The following CCL25 variants were observed in gnomAD, a reference collection of about 807,000 sequenced individuals.
The protein encoded by CCL25 is C-C motif chemokine ligand 25, also known as C-C motif chemokine 25.
Under a neutral mutation model 19.9 loss-of-function variants are expected in CCL25, and 14 were observed. The ratio of observed to expected loss-of-function variants is 0.70; its 90% CI spans 0.47 to 1.10. The LOEUF (loss-of-function observed/expected upper bound fraction) is 1.10. Among genes scored for constraint, CCL25 ranks in the 50% least tolerant of loss-of-function variants. CCL25 has a pLI of 0.00. For missense variants in CCL25, 151 were observed against 181.2 expected (o/e 0.83, Z 0.96); for synonymous variants, 68 against 73.2 (o/e 0.93, Z 0.36).
intron 2 of CCL25, 28 bp from the exon 3 acceptor site, chr19:8,056,124 G>T: frequency 6.9e-7 from 1 of 1,440,270 alleles, no homozygotes; most frequent in Non-Finnish European, 9.4e-7. Context: ...GCAAGGGTGC[G>T]AGTATCTGGG....
chr19:8,061,121 T>C (rs1237807183), intron 5 of CCL25, among the ~76,000 whole-genome samples: 2 of 151,636 alleles, frequency 1.3e-5, no homozygotes, highest in African/African-American at 2.4e-5. Context: ...CCTGAGTAGC[T>C]GGGATCATAG....
At chr19:8,057,963 T>G (rs747178587) in intron 5 of CCL25, 43 bp downstream of exon 5, 3 of 1,593,900 alleles carry the variant, frequency 1.9e-6, no homozygotes, top group Non-Finnish European at 2.6e-6. Context: ...TCCATCACCT[T>G]TGCTGAGGGT....
intron 2 of CCL25, among the ~76,000 whole-genome samples, chr19:8,054,831 AT>A (rs1568333246): frequency 6.6e-6 from 1 of 151,566 alleles, no homozygotes; most frequent in South Asian, 2.1e-4. Flanking sequence ...TATTAAAACA[AT>A]TTTTTGTTTG....
chr19:8,057,858 A>G lies in CCL25; in HGVS notation c.383A>G (p.Lys128Arg), dbSNP rs2081283421. Residue 128 changes from lysine to arginine, a missense_variant, in exon 5 of 6, where the codon AAG becomes AGG. Physicochemically the swap from Lys to Arg is conservative, Grantham distance 26 (BLOSUM62 2). Transcript: ENST00000315626. ...SSGNSKLSSS[K>R]FSNPISSSKR... is the part of the protein sequence containing the mutation. ...GGAAACTCCAAGTTATCATCGTCCA[A>G]GTTTAGCAATCCCATCAGCAGCAGT... The G allele has an allele frequency of 6.2e-7, 1 of 1,613,610 alleles. No individual in the cohort carries two copies. Among genetic ancestry groups the G allele is most frequent in the Non-Finnish European group, 8.5e-7 (1 of 1,179,648 alleles).
chr19:8,053,007 C>G lies in CCL25; in HGVS notation c.-43C>G. The G allele has an allele frequency of 6.9e-7, 1 of 1,451,436 alleles. No homozygotes were observed. Among genetic ancestry groups the G allele is most frequent in the Non-Finnish European group, 9.4e-7 (1 of 1,062,768 alleles). The allele number at this position is 1,451,436 out of a possible 1,614,324, so 89.9% of individuals were successfully genotyped here. A position where few individuals can be genotyped will look rare whatever the true frequency, so the allele number is the denominator to read the frequency against. On this transcript the variant is annotated 5_prime_UTR_variant, in exon 2 of 6. Transcript: ENST00000315626. ...TTCCCTCCACGACCCCAGGTGGCCC[C>G]GTTATTCGTCCAGGTGCCCAGGGAG...
Position 8,062,338 on chromosome 19 carries a change from T to G in CCL25, c.*113T>G, listed in dbSNP as rs150143286. On this transcript the variant is annotated 3_prime_UTR_variant, in exon 6 of 6. Transcript: ENST00000315626. ...CGCCTCTGTCTTTTGGGTCAAGTCT[T>G]AATCCCTGCACCTGAGTTGGTCCTC... is the stretch of plus-strand genomic sequence containing the variant. The G allele has an allele frequency of 1.4e-4, 169 of 1,197,058 alleles. No individual in the cohort carries two copies. In the East Asian group the frequency reaches 3.5e-3, roughly 25 times the overall value. 74.2% of individuals were successfully genotyped at this position (1,197,058 alleles called of 1,614,324 possible).
rs762764556 is a variant in CCL25, at chr19:8,056,204, G to T, written c.126G>T (p.Val42=). 3.8e-6 allele frequency: 6 copies of T among 1,568,018 alleles called. No homozygotes were observed. Among genetic ancestry groups the T allele is most frequent in the Non-Finnish European group, 5.2e-6 (6 of 1,157,242 alleles). The part of the protein sequence containing the change: ...LAYHYPIGWA[V]LRRAWTYRIQ... ...ACCACTACCCCATTGGGTGGGCTGT[G>T]CTCCGGCGCGCCTGGACTTACCGGA... Residue 42 remains valine, a synonymous_variant, in exon 3 of 6, where the codon GTG becomes GTT. Coordinates refer to ENST00000315626, the MANE Select transcript of CCL25 (RefSeq NM_005624.4).
At chr19:8,054,635 T>TC (rs1341200703) in intron 2 of CCL25, among the ~76,000 whole-genome samples, 1 of 151,804 alleles carries the variant, frequency 6.6e-6, no homozygotes, top group East Asian at 1.9e-4. Context: ...CACCTGCTCA[T>TC]CCCCCCAGAA....
At chr19:8,060,585 T>C (rs2081310872) in intron 5 of CCL25, among the ~76,000 whole-genome samples, 1 of 151,664 alleles carries the variant, frequency 6.6e-6, no homozygotes, top group Non-Finnish European at 1.5e-5. Flanking sequence ...GTGGCGCAAT[T>C]GTAGCTCACT....
chr19:8,052,675 AGAG>A (rs2081240237), upstream of CCL25: 4 of 154,956 alleles, frequency 2.6e-5, no homozygotes, highest in African/African-American at 3.8e-5. Context: ...GTGCAGGTGG[AGAG>A]GAGGAGGAAG....
At chr19:8,057,706 T>C (rs2081282299) in intron 4 of CCL25, 95 bp from the exon 5 acceptor site, 6 of 1,464,076 alleles carry the variant, frequency 4.1e-6, no homozygotes, top group Non-Finnish European at 5.4e-6. Context: ...ACTCATTGGC[T>C]TAAATAACCA....
intron 5 of CCL25, among the ~76,000 whole-genome samples, chr19:8,060,558 C>T (rs573021363): frequency 2.0e-5 from 3 of 152,118 alleles, no homozygotes; most frequent in East Asian, 1.9e-4. Context: ...TCACTCTCTC[C>T]GCCAGGCTGG....
intron 2 of CCL25, 121 bp from the exon 3 acceptor site, chr19:8,056,031 C>T: frequency 3.0e-6 from 2 of 657,870 alleles, no homozygotes; most frequent in Non-Finnish European, 5.3e-6. Context: ...TCAGCCTCTG[C>T]CGGGCCTGGA....
At position 8,058,382 on chromosome 19, in the gene CCL25, A is replaced by AAT. The variant is rs1188940037; in HGVS notation, c.445+468_445+469dup. Among the ~76,000 whole-genome samples the AAT allele has an allele frequency of 1.2e-4, 15 of 121,102 alleles. 2 individuals carry two copies. The highest frequency in any genetic ancestry group is 3.2e-4 in the African/African-American group (10 of 31,154). 79.4% of individuals were successfully genotyped at this position (121,102 alleles called of 152,430 possible). A position where few individuals can be genotyped will look rare whatever the true frequency, so the allele number is the denominator to read the frequency against. ...AAATATATAATATATAAATATATAT[A>AAT]ATATATAAGTAAATATATAATATAT... On this transcript the variant is annotated intron_variant, in intron 5 of 5. Transcript: ENST00000315626.
chr19:8,061,234 C>T (rs2081315999), intron 5 of CCL25, among the ~76,000 whole-genome samples: 1 of 151,926 alleles, frequency 6.6e-6, no homozygotes, highest in South Asian at 2.1e-4. Context: ...AGTGATCTGC[C>T]CACCTCAACT....
chr19:8,054,851 G>C (rs1299846037), intron 2 of CCL25, among the ~76,000 whole-genome samples: 1 of 151,712 alleles, frequency 6.6e-6, no homozygotes, highest in African/African-American at 2.4e-5. Context: ...TGTTTGGTTG[G>C]TGTTTTGTTT....
At chr19:8,057,240 G>A (rs1360792302) in intron 4 of CCL25, among the ~76,000 whole-genome samples, 2 of 152,078 alleles carry the variant, frequency 1.3e-5, no homozygotes, top group East Asian at 3.9e-4. Flanking sequence ...GGCTGGTCTC[G>A]AACTCCTGAC....
At chr19:8,056,302 G>GGGGGC in intron 3 of CCL25, 33 bp downstream of exon 3, 1 of 593,420 alleles carries the variant, frequency 1.7e-6, no homozygotes, top group Non-Finnish European at 3.2e-6. Flanking sequence ...GGGGGGTGGG[G>GGGGGC]TGCACACACA....
intron 3 of CCL25, 33 bp downstream of exon 3, chr19:8,056,302 G>GGGGGGGGGGCCCCCCCCC: frequency 1.7e-6 from 1 of 593,422 alleles, no homozygotes; most frequent in Non-Finnish European, 3.2e-6. Flanking sequence ...GGGGGGTGGG[G>GGGGGGGGGGCCCCCCCCC]TGCACACACA....
Sources: gnomAD v4.1 joint callset for allele counts (sites outside exome capture counted in the v4.1 genomes callset) on GRCh38, gnomAD v4.1.1 for gene constraint, MANE v1.5 for transcripts, NCBI Gene and HGNC (gene_info 2026-07-23, HGNC 2026-07-21) for gene names.